OGDH: variants seen among roughly 807,000 people sequenced by gnomAD.
OGDH encodes the protein oxoglutarate dehydrogenase.
In OGDH, 38 loss-of-function variants were observed where a neutral mutation model predicts 116.6. The ratio of observed to expected loss-of-function variants is 0.33; its 90% CI spans 0.25 to 0.43. OGDH has a LOEUF of 0.43. OGDH is among the 20% of genes least tolerant of loss of function. The probability of loss-of-function intolerance (pLI) is 1.00; values close to 1 mark genes in which losing one functional copy is unlikely to be tolerated. For missense variants in OGDH, 825 were observed against 1,357.2 expected, an observed-to-expected ratio of 0.61 and a Z score of 6.16; for synonymous variants, 488 against 533.3, an observed-to-expected ratio of 0.92 and a Z score of 1.17.
chr7:44,656,177 T>C lies in OGDH; in HGVS notation c.517+8418T>C, dbSNP rs899798555. ...CCACCCACTTCTCCCTTGATGTGTG[T>C]GTGTGTCCCTGTGATGGTGTCTGTG... On this transcript the variant is annotated intron_variant, in intron 4 of 22. Coordinates refer to ENST00000222673, the MANE Select transcript of OGDH (RefSeq NM_002541.4). 2.2e-5 allele frequency: 16 copies of C among 721,772 alleles called. No individual in the cohort carries two copies. The African/African-American group carries it at 2.6e-4, about 12-fold the overall frequency. 44.7% of individuals were successfully genotyped at this position (721,772 alleles called of 1,614,324 possible). A position where few individuals can be genotyped will look rare whatever the true frequency, so the allele number is the denominator to read the frequency against.
At chr7:44,645,019 G>A (rs79204588) in intron 2 of OGDH, among the ~76,000 whole-genome samples, 45 of 152,320 alleles carry the variant, frequency 3.0e-4, no homozygotes, top group Non-Finnish European at 5.3e-4. Flanking sequence ...TAGGAACTGA[G>A]GAGAGCTGTT....
At chr7:44,622,677 T>C (rs1269538236) in intron 1 of OGDH, 1 of 152,206 alleles carries the variant, frequency 6.6e-6, no homozygotes. Context: ...CACACTATGT[T>C]TCAGAGCTTG....
chr7:44,642,449 A>G (rs1785986487), intron 2 of OGDH, among the ~76,000 whole-genome samples: 1 of 151,782 alleles, frequency 6.6e-6, no homozygotes, highest in Non-Finnish European at 1.5e-5. Flanking sequence ...AAGAAAAGGA[A>G]AGTTTGCAGC....
chr7:44,640,781 CTAAG>C (rs1336609086), intron 2 of OGDH, among the ~76,000 whole-genome samples: 1 of 152,050 alleles, frequency 6.6e-6, no homozygotes, highest in Non-Finnish European at 1.5e-5. Context: ...CCCCAGGGAA[CTAAG>C]TAAGTGTCTA....
chr7:44,624,295 T>TC, intron 1 of OGDH, 22 bp from the exon 2 acceptor site: 1 of 1,016,276 alleles, frequency 9.8e-7, no homozygotes, highest in Non-Finnish European at 1.3e-6. Flanking sequence ...TTTCTTGTTT[T>TC]TTTTTTTTTT....
At chr7:44,690,814 T>C (rs1462047119) in intron 10 of OGDH, among the ~76,000 whole-genome samples, 4 of 152,214 alleles carry the variant, frequency 2.6e-5, no homozygotes, top group Admixed American at 6.5e-5. Flanking sequence ...CATGTTATGA[T>C]CACTGACTTC....
At chr7:44,679,362 G>A (rs993079461) in intron 9 of OGDH, among the ~76,000 whole-genome samples, 5 of 152,178 alleles carry the variant, frequency 3.3e-5, no homozygotes, top group African/African-American at 7.2e-5. Flanking sequence ...AGGGGGCCCC[G>A]TAAGCAAACC....
At position 44,708,202 on chromosome 7, in the gene OGDH, T is replaced by G. The variant is rs1789172704; in HGVS notation, c.*203T>G. 1 of 646,682 alleles carries G rather than the reference T, an allele frequency of 1.5e-6. No individual in the cohort carries two copies. The highest frequency in any genetic ancestry group is 2.5e-6 in the Non-Finnish European group (1 of 397,454). The allele number at this position is 646,682 out of a possible 1,614,324, so 40.1% of individuals were successfully genotyped here. A position where few individuals can be genotyped will look rare whatever the true frequency, so the allele number is the denominator to read the frequency against. On this transcript the variant is annotated 3_prime_UTR_variant, in exon 23 of 23. Transcript: ENST00000222673. The stretch of plus-strand genomic sequence containing the variant: ...CCCACAGGCCACACGCTGCCCAGGC[T>G]CTGCTGACTTCTGAGCAGTTTTCCA...
chr7:44,700,121 C>T lies in OGDH; in HGVS notation c.2431-20C>T. On this transcript the variant is annotated intron_variant, in intron 18 of 22. Transcript: ENST00000222673. Reference sequence around the variant, plus strand: ...TCAGTGCTGTGTCCTGGCCTCTGGCCATTTCCTTCCCTGCTGCAGGACCTT... The same window carrying T: ...TCAGTGCTGTGTCCTGGCCTCTGGCTATTTCCTTCCCTGCTGCAGGACCTT... The T allele has an allele frequency of 1.9e-6, 3 of 1,613,800 alleles. No individual in the cohort carries two copies. Among genetic ancestry groups the T allele is most frequent in the East Asian group, 2.2e-5 (1 of 44,866 alleles).
chr7:44,669,976 C>G (rs2116091333), intron 5 of OGDH, among the ~76,000 whole-genome samples: 1 of 152,188 alleles, frequency 6.6e-6, no homozygotes, highest in East Asian at 1.9e-4. Flanking sequence ...GTACCTTTTT[C>G]AAAAATTAGA....
intron 9 of OGDH, among the ~76,000 whole-genome samples, chr7:44,678,077 C>T (rs191355228): frequency 1.4e-4 from 22 of 152,112 alleles, no homozygotes; most frequent in Admixed American, 7.2e-4. Context: ...CCCACAGGGA[C>T]GCAGAGGTCA....
At chr7:44,670,764 A>G (rs577195421) in intron 5 of OGDH, among the ~76,000 whole-genome samples, 6 of 152,120 alleles carry the variant, frequency 3.9e-5, no homozygotes, top group African/African-American at 1.4e-4. Context: ...TAATCCCAGC[A>G]CTTTGGGAGG....
chr7:44,666,822 C>G lies in OGDH; in HGVS notation c.604C>G (p.Pro202Ala), dbSNP rs999739277. Residue 202 changes from proline (P) to alanine (A), a missense_variant, in exon 5 of 23, where the codon CCT becomes GCT. This residue lies in a region of OGDH where 171 missense variants were observed against 276.8 expected (regional missense o/e 0.62). Transcript: ENST00000222673. Reference protein sequence around the residue: ...TFIGGQESALPLREIIRRLEM... With the variant: ...TFIGGQESALALREIIRRLEM... ...CATCGGGGGACAGGAATCAGCACTTCCTCTGCGGGAGATCATCCGTCGGCT... is the reference window on the plus strand; with the variant it reads ...CATCGGGGGACAGGAATCAGCACTTGCTCTGCGGGAGATCATCCGTCGGCT... The G allele has an allele frequency of 6.2e-6, 10 of 1,611,884 alleles. No individual in the cohort carries two copies. The African/African-American group carries it at 1.2e-4, about 19-fold the overall frequency.
At chr7:44,704,695 G>A (rs74568998) in intron 20 of OGDH, among the ~76,000 whole-genome samples, 1 of 151,614 alleles carries the variant, frequency 6.6e-6, no homozygotes, top group Non-Finnish European at 1.5e-5. Flanking sequence ...TTTTGGGTTT[G>A]GGTGTTTTTT....
chr7:44,707,600 G>A lies in OGDH; in HGVS notation c.2815G>A (p.Asp939Asn). Residue 939 changes from aspartate to asparagine, a missense_variant, in exon 22 of 23, where the codon GAC becomes AAC. Coordinates refer to ENST00000222673, the MANE Select transcript of OGDH (RefSeq NM_002541.4). This position sits in a 1 kb window ranked among gnomAD's most constrained non-coding sequence, Gnocchi z 5.2. ...RIEQLSPFPF[D>N]LLLKEVQKYP... ...CTCCTAGCTGTCGCCATTCCCCTTT[G>A]ACCTCCTGCTGAAGGAGGTGCAGAA... 1 of 1,613,946 alleles carries A rather than the reference G, an allele frequency of 6.2e-7. No homozygotes were observed. Among genetic ancestry groups the A allele is most frequent in the Non-Finnish European group, 8.5e-7 (1 of 1,180,024 alleles).
intron 20 of OGDH, among the ~76,000 whole-genome samples, chr7:44,702,148 C>G (rs1028723079): frequency 1.6e-4 from 25 of 151,976 alleles, no homozygotes; most frequent in African/African-American, 5.8e-4. Context: ...AATGACATGT[C>G]TTAACATGCA....
At chr7:44,638,093 A>G (rs544348767) in intron 2 of OGDH, among the ~76,000 whole-genome samples, 38 of 152,186 alleles carry the variant, frequency 2.5e-4, no homozygotes, top group Non-Finnish European at 5.3e-4. Context: ...CTTATCAGTG[A>G]CATTGTCATT....
At chr7:44,658,010 A>G (rs1458349697) in intron 4 of OGDH, among the ~76,000 whole-genome samples, 4 of 152,148 alleles carry the variant, frequency 2.6e-5, no homozygotes, top group African/African-American at 9.7e-5. Context: ...CTGTTTTTCC[A>G]TCGATACCAC....
intron 10 of OGDH, among the ~76,000 whole-genome samples, chr7:44,684,084 A>C (rs897214114): frequency 2.6e-5 from 4 of 152,204 alleles, no homozygotes; most frequent in African/African-American, 9.7e-5. Flanking sequence ...TGGAAACTTC[A>C]AGGTCAGGTA....
Sources: allele counts gnomAD v4.1 joint callset (sites outside exome capture counted in the v4.1 genomes callset), GRCh38; gene constraint gnomAD v4.1.1; regional missense constraint gnomAD v4.1.1; non-coding constraint Gnocchi (gnomAD v3.1); transcripts MANE v1.5; gene names NCBI Gene and HGNC (gene_info 2026-07-23, HGNC 2026-07-21).